Variants in ZCCHC7 observed in about 807,000 individuals in gnomAD.
The protein encoded by ZCCHC7 is zinc finger CCHC domain-containing protein 7.
A neutral mutation model predicts 52.0 loss-of-function variants in ZCCHC7; 35 were observed. The ratio of observed to expected loss-of-function variants is 0.67; its 90% CI spans 0.51 to 0.89. The LOEUF is 0.89. ZCCHC7 is among the 40% of genes least tolerant of loss of function. The pLI, the probability that ZCCHC7 is intolerant of heterozygous loss-of-function variation, is 0.00. For missense variants in ZCCHC7, 574 were observed against 649.1 expected (o/e 0.88, Z 1.26); for synonymous variants, 217 against 221.5 (o/e 0.98, Z 0.18).
intron 6 of ZCCHC7, among the ~76,000 whole-genome samples, chr9:37,336,037 C>G (rs1369018034): frequency 6.6e-6 from 1 of 152,086 alleles, no homozygotes; most frequent in African/African-American, 2.4e-5. Context: ...CATAAACATA[C>G]CCCAATTAGA....
Position 37,288,269 on chromosome 9 carries a change from G to A in ZCCHC7, c.611-13919G>A, listed in dbSNP as rs568373762. On this transcript the variant is annotated intron_variant, in intron 2 of 8. Transcript: ENST00000336755. ...CACTCCAGCCTGGGTGACATTGTGA[G>A]ACCTTGTCTCAAAAAAAAAAAAAAA... Among the ~76,000 whole-genome samples, 4 of 144,764 alleles carry A rather than the reference G, an allele frequency of 2.8e-5. No homozygotes were observed. In the East Asian group the frequency reaches 8.2e-4, roughly 30 times the overall value. 95.0% of individuals were successfully genotyped at this position (144,764 alleles called of 152,430 possible).
At chr9:37,336,237 A>T (rs1830647358) in intron 6 of ZCCHC7, among the ~76,000 whole-genome samples, 1 of 152,300 alleles carries the variant, frequency 6.6e-6, no homozygotes, top group Admixed American at 6.5e-5. Flanking sequence ...TTCCAGCTGT[A>T]TTCTCAGATA....
chr9:37,345,750 C>T (rs969516077), intron 6 of ZCCHC7, among the ~76,000 whole-genome samples: 3 of 151,284 alleles, frequency 2.0e-5, no homozygotes, highest in African/African-American at 7.3e-5. Flanking sequence ...TGTTTAATGA[C>T]TTTTAGCTAG....
intron 2 of ZCCHC7, among the ~76,000 whole-genome samples, chr9:37,162,106 T>C (rs1821138803): frequency 6.6e-6 from 1 of 152,216 alleles, no homozygotes; most frequent in South Asian, 2.1e-4. Context: ...GTGTAAACGA[T>C]CATATAGATG....
rs1457634576 is a variant in ZCCHC7 at position 37,305,642 on chromosome 9, C to T, written c.879C>T (p.Asp293=). The change falls in exon 5 of 9, where the codon GAC becomes GAT. Residue 293 remains aspartate, a synonymous_variant. Transcript: ENST00000336755. The part of the protein sequence containing the change: ...CEYCPVPKML[D]HSCLFRHSWD... ...ACTGTCCTGTGCCTAAGATGTTGGA[C>T]CACTCATGTCTTTTCAGACATTCCT... 1.2e-6 allele frequency: 2 copies of T among 1,614,066 alleles called. No homozygotes were observed. Among genetic ancestry groups the T allele is most frequent in the African/African-American group, 1.3e-5 (1 of 74,998 alleles).
intron 2 of ZCCHC7, among the ~76,000 whole-genome samples, chr9:37,153,159 TATTGATTG>T (rs141538496): frequency 1.3e-4 from 19 of 151,612 alleles, no homozygotes; most frequent in Admixed American, 3.9e-4. Context: ...TTACTATTAT[TATTGATTG>T]ATTGATTGAT....
At chr9:37,290,824 G>T (rs905641347) in intron 2 of ZCCHC7, among the ~76,000 whole-genome samples, 3 of 152,064 alleles carry the variant, frequency 2.0e-5, no homozygotes, top group African/African-American at 7.2e-5. Context: ...ATGGCCTCCT[G>T]CCATATCTTG....
chr9:37,234,540 G>A (rs892210279), intron 2 of ZCCHC7, among the ~76,000 whole-genome samples: 8 of 152,200 alleles, frequency 5.3e-5, no homozygotes, highest in African/African-American at 4.8e-5. Flanking sequence ...TGGGGATGCA[G>A]TGAAGTATAG....
At chr9:37,250,038 C>T (rs1024585580) in intron 2 of ZCCHC7, among the ~76,000 whole-genome samples, 2 of 152,082 alleles carry the variant, frequency 1.3e-5, no homozygotes, top group Non-Finnish European at 2.9e-5. Context: ...TCTAATAGTC[C>T]AGCCTTGTAA....
At chr9:37,188,524 C>T (rs577324563) in intron 2 of ZCCHC7, among the ~76,000 whole-genome samples, 8 of 101,538 alleles carry the variant, frequency 7.9e-5, no homozygotes, top group African/African-American at 2.6e-4. Context: ...CCCCCCTCTC[C>T]CCACCCCTCC....
chr9:37,331,354 C>A (rs1652776733), intron 6 of ZCCHC7, among the ~76,000 whole-genome samples: 1 of 151,514 alleles, frequency 6.6e-6, no homozygotes, highest in African/African-American at 2.4e-5. Flanking sequence ...CATTTTGCCA[C>A]TTAGTTTTCT....
chr9:37,339,109 A>G (rs1370431238), intron 6 of ZCCHC7, among the ~76,000 whole-genome samples: 1 of 152,216 alleles, frequency 6.6e-6, no homozygotes, highest in Non-Finnish European at 1.5e-5. Context: ...TTTTTAACAT[A>G]TGAGGAAAAT....
At chr9:37,133,376 C>CTT (rs778044762) in intron 2 of ZCCHC7, among the ~76,000 whole-genome samples, 11 of 134,534 alleles carry the variant, frequency 8.2e-5, no homozygotes, top group East Asian at 2.1e-4. Context: ...GGAATATTTT[C>CTT]TTTTTTTTTT....
At chr9:37,235,894 C>T (rs1299364399) in intron 2 of ZCCHC7, among the ~76,000 whole-genome samples, 2 of 151,538 alleles carry the variant, frequency 1.3e-5, no homozygotes, top group Non-Finnish European at 2.9e-5. Context: ...GGCCCTTATT[C>T]TTTTTTTAAT....
At chr9:37,177,718 G>C (rs1245148629) in intron 2 of ZCCHC7, among the ~76,000 whole-genome samples, 1 of 152,174 alleles carries the variant, frequency 6.6e-6, no homozygotes, top group Non-Finnish European at 1.5e-5. Flanking sequence ...GAGAATGGCA[G>C]TTTACCGCTG....
intron 2 of ZCCHC7, among the ~76,000 whole-genome samples, chr9:37,156,003 G>T (rs1028223828): frequency 6.6e-6 from 1 of 152,170 alleles, no homozygotes. Flanking sequence ...TGACCCCAGC[G>T]TTCCTATGCT....
intron 2 of ZCCHC7, among the ~76,000 whole-genome samples, chr9:37,280,257 A>G (rs1827891105): frequency 6.6e-6 from 1 of 152,224 alleles, no homozygotes; most frequent in African/African-American, 2.4e-5. Context: ...GGATCTCCTC[A>G]TCATAGAGAA....
At chr9:37,284,734 G>A (rs756882127) in intron 2 of ZCCHC7, among the ~76,000 whole-genome samples, 8 of 152,166 alleles carry the variant, frequency 5.3e-5, no homozygotes, top group Non-Finnish European at 1.2e-4. Context: ...TTAAACATCC[G>A]TAATTCATGT....
At chr9:37,342,452 C>T (rs1317358124) in intron 6 of ZCCHC7, among the ~76,000 whole-genome samples, 3 of 151,912 alleles carry the variant, frequency 2.0e-5, no homozygotes, top group Admixed American at 6.6e-5. Flanking sequence ...GAATGGCAAG[C>T]GAAAAGGTTA....
Sources: allele counts gnomAD v4.1 joint callset (sites outside exome capture counted in the v4.1 genomes callset), GRCh38; gene constraint gnomAD v4.1.1; transcripts MANE v1.5; gene names NCBI Gene and HGNC (gene_info 2026-07-23, HGNC 2026-07-21).